WDR88: variants seen among roughly 807,000 people sequenced by gnomAD.
WDR88 encodes WD repeat-containing protein 88.
WDR88 carries 40 observed loss-of-function variants against 46.8 expected under a neutral mutation model. That is an observed-to-expected ratio of 0.86 (90% confidence interval 0.66 to 1.11). The LOEUF is 1.11. WDR88 is among the 50% of genes most tolerant of loss of function. The pLI is 0.00. For synonymous variants in WDR88, 235 were observed against 240.7 expected, an observed-to-expected ratio of 0.98 and a Z score of 0.22; for missense variants, 562 against 602.4, an observed-to-expected ratio of 0.93 and a Z score of 0.70.
rs1023258827 is a variant in WDR88 at position 33,144,753 on chromosome 19, A to T, written c.388-91A>T. 1.4e-5 allele frequency: 17 copies of T among 1,194,590 alleles called. No individual in the cohort carries two copies. The African/African-American group carries it at 2.3e-4, about 16-fold the overall frequency. The allele number at this position is 1,194,590 out of a possible 1,614,324, so 74.0% of individuals were successfully genotyped here. On this transcript the variant is annotated intron_variant, in intron 2 of 10. Transcript: ENST00000355868. ...GAGTTCTCAGATTTTGCTACCAGAG[A>T]TAAGCTAAGGGCTAATGTTGACCTC...
chr19:33,143,693 G>T (rs1034528969), intron 2 of WDR88, among the ~76,000 whole-genome samples: 1 of 151,142 alleles, frequency 6.6e-6, no homozygotes, highest in African/African-American at 2.4e-5. Context: ...TATTACAAAG[G>T]TAATATGATT....
At position 33,173,216 on chromosome 19, in the gene WDR88, G is replaced by C. The variant is rs529929422; in HGVS notation, c.1242+776G>C. Among the ~76,000 whole-genome samples, 3 of 152,160 alleles carry C rather than the reference G, an allele frequency of 2.0e-5. No individual in the cohort carries two copies. In the East Asian group the frequency reaches 5.8e-4, roughly 29 times the overall value. On this transcript the variant is annotated intron_variant, in intron 10 of 10. Coordinates refer to ENST00000355868, the MANE Select transcript of WDR88 (RefSeq NM_173479.4). Reference sequence around the variant, plus strand: ...TGCATCGGAGGGGTGGAGTGAGGGGGCTTGGAGGGGATGAGACCTGCAGGA... The same window carrying C: ...TGCATCGGAGGGGTGGAGTGAGGGGCCTTGGAGGGGATGAGACCTGCAGGA...
At chr19:33,159,318 G>C (rs1973821408) in intron 7 of WDR88, among the ~76,000 whole-genome samples, 1 of 151,118 alleles carries the variant, frequency 6.6e-6, no homozygotes, top group East Asian at 1.9e-4. Flanking sequence ...GGGTGACAGA[G>C]CAAGACCTTA....
intron 10 of WDR88, among the ~76,000 whole-genome samples, chr19:33,175,140 CAGG>C: frequency 1.3e-5 from 2 of 152,294 alleles, no homozygotes; most frequent in South Asian, 4.1e-4. Context: ...GTGGCTGAGG[CAGG>C]AGAATTGCTT....
Position 33,160,485 on chromosome 19 carries a change from C to T in WDR88, c.1069C>T (p.Leu357Phe). The T allele has an allele frequency of 8.1e-6, 13 of 1,614,196 alleles. No individual in the cohort carries two copies. Among genetic ancestry groups the T allele is most frequent in the Non-Finnish European group, 1.1e-5 (13 of 1,180,038 alleles). Residue 357 changes from leucine (L) to phenylalanine (F), a missense_variant, in exon 8 of 11, where the codon CTC (leucine) becomes TTC (phenylalanine). Coordinates refer to ENST00000355868, the MANE Select transcript of WDR88 (RefSeq NM_173479.4). ...IWDVAEGYRK[L>F]SLKGHNDWVM... Reference sequence around the variant, plus strand: ...GGATGTAGCAGAAGGCTACCGGAAGCTCTCTTTGAAGGTACATGTGGCCAG... The same window carrying T: ...GGATGTAGCAGAAGGCTACCGGAAGTTCTCTTTGAAGGTACATGTGGCCAG...
chr19:33,146,065 C>T (rs891777365), intron 3 of WDR88, among the ~76,000 whole-genome samples: 1 of 152,002 alleles, frequency 6.6e-6, no homozygotes, highest in East Asian at 1.9e-4. Flanking sequence ...CTGAGGCGGG[C>T]GGATCACCTG....
At chr19:33,132,485 C>T (rs763551484) in intron 1 of WDR88, 40 bp downstream of exon 1, 1 of 1,602,754 alleles carries the variant, frequency 6.2e-7, no homozygotes, top group African/African-American at 1.3e-5. Flanking sequence ...CTGGCCTGTT[C>T]CCCACACGGG....
intron 7 of WDR88, among the ~76,000 whole-genome samples, chr19:33,157,409 A>G (rs1429460697): frequency 2.7e-5 from 4 of 147,016 alleles, no homozygotes; most frequent in African/African-American, 1.0e-4. Flanking sequence ...CAGGCAGGAG[A>G]ATCGCTTGAA....
chr19:33,142,469 G>A (rs749936105), intron 2 of WDR88, among the ~76,000 whole-genome samples: 5 of 151,970 alleles, frequency 3.3e-5, no homozygotes, highest in Non-Finnish European at 7.4e-5. Context: ...GGAGAAGGAC[G>A]GCTCATGGGA....
chr19:33,151,276 G>A lies in WDR88; in HGVS notation c.775G>A (p.Val259Ile). Reference sequence around the variant, plus strand: ...GGACAGGTGCATCAAGATCTGGGATGTTACATCCCAGGCCACGCTGCTCAC... The same window carrying A: ...GGACAGGTGCATCAAGATCTGGGATATTACATCCCAGGCCACGCTGCTCAC... ...SLDRCIKIWD[V>I]TSQATLLTIT... Residue 259 changes from valine to isoleucine, a missense_variant, in exon 6 of 11, where the codon GTT becomes ATT. Physicochemically the swap from Val to Ile is conservative, Grantham distance 29. Coordinates refer to ENST00000355868, the MANE Select transcript of WDR88 (RefSeq NM_173479.4). The A allele has an allele frequency of 6.2e-7, 1 of 1,613,648 alleles. No homozygotes were observed.
chr19:33,143,092 G>A (rs1388975151), intron 2 of WDR88, among the ~76,000 whole-genome samples: 1 of 151,850 alleles, frequency 6.6e-6, no homozygotes, highest in Non-Finnish European at 1.5e-5. Flanking sequence ...TGCTTTGGGA[G>A]GCCGAGGTGA....
chr19:33,136,405 G>T (rs1251402399), intron 1 of WDR88, among the ~76,000 whole-genome samples: 1 of 151,876 alleles, frequency 6.6e-6, no homozygotes, highest in East Asian at 1.9e-4. Flanking sequence ...TGGCCAGGCT[G>T]GTCTTGAATT....
intron 2 of WDR88, among the ~76,000 whole-genome samples, chr19:33,140,263 C>A (rs952893844): frequency 1.4e-4 from 22 of 152,190 alleles, no homozygotes; most frequent in Admixed American, 1.4e-3. Flanking sequence ...CAAGCAATCC[C>A]CCCATCTCAA....
chr19:33,142,308 G>T (rs1166615129), intron 2 of WDR88, among the ~76,000 whole-genome samples: 1 of 152,036 alleles, frequency 6.6e-6, no homozygotes, highest in Non-Finnish European at 1.5e-5. Flanking sequence ...AGGAGAGGTG[G>T]CGATTTATGG....
At chr19:33,133,199 AG>A (rs1973173012) in intron 1 of WDR88, among the ~76,000 whole-genome samples, 1 of 17,926 alleles carries the variant, frequency 5.6e-5, no homozygotes, top group African/African-American at 1.3e-4. Flanking sequence ...AAATAAATAT[AG>A]AGAGAGAGAG....
chr19:33,134,837 G>A (rs985794204), intron 1 of WDR88, among the ~76,000 whole-genome samples: 1 of 81,410 alleles, frequency 1.2e-5, no homozygotes, highest in East Asian at 3.4e-4. Flanking sequence ...GCACGTCCCC[G>A]ACACCCCCCC....
intron 9 of WDR88, among the ~76,000 whole-genome samples, chr19:33,170,411 C>A (rs1468326556): frequency 6.6e-6 from 1 of 151,894 alleles, no homozygotes; most frequent in Non-Finnish European, 1.5e-5. Flanking sequence ...AACTCCTGGC[C>A]TTAAGTGATT....
intron 5 of WDR88, among the ~76,000 whole-genome samples, chr19:33,149,642 C>G (rs1205399335): frequency 6.6e-6 from 1 of 151,662 alleles, no homozygotes; most frequent in Admixed American, 6.6e-5. Flanking sequence ...GCCCCCTCAC[C>G]CGGCCTACCT....
rs1282432167 is a variant in WDR88 at position 33,175,610 on chromosome 19, A to G, written c.*38A>G. 1.2e-6 allele frequency: 2 copies of G among 1,611,838 alleles called. No individual in the cohort carries two copies. The highest frequency in any genetic ancestry group is 1.3e-5 in the African/African-American group (1 of 74,858). On this transcript the variant is annotated 3_prime_UTR_variant, in exon 11 of 11. Transcript: ENST00000355868. The stretch of plus-strand genomic sequence containing the variant: ...CCTTTGAGTGACTCCAGCACAGGCT[A>G]CCTAGCATGTAGGTTTCGGGGCTTT...
Sources: allele counts gnomAD v4.1 joint callset (sites outside exome capture counted in the v4.1 genomes callset), GRCh38; gene constraint gnomAD v4.1.1; transcripts MANE v1.5; gene names NCBI Gene and HGNC (gene_info 2026-07-23, HGNC 2026-07-21).